PEX14: variants seen among roughly 807,000 people sequenced by gnomAD.
PEX14 encodes the protein peroxisomal biogenesis factor 14.
Under a neutral mutation model 49.5 loss-of-function variants are expected in PEX14, and 15 were observed. The ratio of observed to expected loss-of-function variants is 0.30; its 90% CI spans 0.20 to 0.47. PEX14 has a LOEUF of 0.47. Among genes scored for constraint, PEX14 ranks in the 20% least tolerant of loss-of-function variants. The pLI is 1.00. For missense variants in PEX14, 398 were observed against 494.8 expected, an observed-to-expected ratio of 0.80 and a Z score of 1.86; for synonymous variants, 210 against 212.7, an observed-to-expected ratio of 0.99 and a Z score of 0.11.
chr1:10,624,592 T>C (rs1396073130), intron 7 of PEX14, among the ~76,000 whole-genome samples, 155 bp downstream of exon 7: 1 of 152,218 alleles, frequency 6.6e-6, no homozygotes, highest in Non-Finnish European at 1.5e-5. Flanking sequence ...GCCCTTTCTC[T>C]CCTTGTAGAG....
At chr1:10,515,713 T>G (rs560746157) in intron 2 of PEX14, among the ~76,000 whole-genome samples, 2 of 152,192 alleles carry the variant, frequency 1.3e-5, no homozygotes, top group East Asian at 3.9e-4. Context: ...CAAACCAAAG[T>G]AAAAAATCCT....
chr1:10,611,920 T>C (rs564905124), intron 4 of PEX14, among the ~76,000 whole-genome samples: 11 of 152,350 alleles, frequency 7.2e-5, no homozygotes, highest in Admixed American at 3.9e-4. Context: ...GCAGATATTT[T>C]CTCCCAGCCT....
intron 3 of PEX14, among the ~76,000 whole-genome samples, chr1:10,568,648 G>A (rs888651397): frequency 3.9e-5 from 6 of 152,106 alleles, no homozygotes; most frequent in African/African-American, 1.4e-4. Flanking sequence ...AGCCCTCAGA[G>A]ATGATGAATT....
At chr1:10,560,145 C>T (rs1255463618) in intron 3 of PEX14, among the ~76,000 whole-genome samples, 2 of 151,942 alleles carry the variant, frequency 1.3e-5, no homozygotes, top group Non-Finnish European at 2.9e-5. Flanking sequence ...GCAATCTCTG[C>T]CTCCCGGGTT....
intron 3 of PEX14, among the ~76,000 whole-genome samples, chr1:10,581,688 T>C (rs1025503903): frequency 2.0e-5 from 3 of 151,154 alleles, no homozygotes; most frequent in Admixed American, 6.6e-5. Flanking sequence ...GATTTTTTAA[T>C]TGAAATTGTG....
At chr1:10,524,540 TCTC>T (rs1482983515) in intron 2 of PEX14, 1 of 329,288 alleles carries the variant, frequency 3.0e-6, no homozygotes, top group Non-Finnish European at 4.4e-6. Flanking sequence ...TCATCTGGCT[TCTC>T]CTAGATGACC....
At chr1:10,572,560 G>A (rs983339114) in intron 3 of PEX14, among the ~76,000 whole-genome samples, 1 of 151,996 alleles carries the variant, frequency 6.6e-6, no homozygotes, top group African/African-American at 2.4e-5. Context: ...ATTTTGAGAC[G>A]GAGTCTTGCT....
At chr1:10,557,719 C>T (rs1333084346) in intron 3 of PEX14, among the ~76,000 whole-genome samples, 1 of 152,220 alleles carries the variant, frequency 6.6e-6, no homozygotes, top group Admixed American at 6.5e-5. Context: ...CACCAGTTGG[C>T]CAGTGCCCCG....
chr1:10,485,509 G>C (rs773200552), intron 1 of PEX14, among the ~76,000 whole-genome samples: 1 of 150,820 alleles, frequency 6.6e-6, no homozygotes, highest in Non-Finnish European at 1.5e-5. Context: ...TGTAGCGAGG[G>C]GGTCTTGCTG....
rs1175035440 is a variant in PEX14 at position 10,491,050 on chromosome 1, T to C, written c.37-4224T>C. Among the ~76,000 whole-genome samples, 9 of 151,158 alleles carry C rather than the reference T, an allele frequency of 6.0e-5. No homozygotes were observed. In the East Asian group the frequency reaches 1.6e-3, roughly 26 times the overall value. On this transcript the variant is annotated intron_variant, in intron 1 of 8. Coordinates refer to ENST00000356607, the MANE Select transcript of PEX14 (RefSeq NM_004565.3). The stretch of plus-strand genomic sequence containing the variant: ...ACTCTGTGAAGATTTCCAGGATCAG[T>C]TGGAGATGAGGTTTTGCTATGTTGG...
chr1:10,556,307 AGCTGT>A (rs1348199907), intron 3 of PEX14, among the ~76,000 whole-genome samples: 23 of 152,264 alleles, frequency 1.5e-4, no homozygotes, highest in African/African-American at 5.5e-4. Flanking sequence ...AGAGCATGGC[AGCTGT>A]GATCAGAATT....
intron 2 of PEX14, among the ~76,000 whole-genome samples, chr1:10,503,648 A>C (rs1240769471): frequency 6.7e-6 from 1 of 149,134 alleles, no homozygotes; most frequent in African/African-American, 2.5e-5. Context: ...TAAATCTAAA[A>C]GCCCCCAGTG....
intron 2 of PEX14, among the ~76,000 whole-genome samples, chr1:10,520,148 C>CTTCTTTTTTTTTTTTT (rs1553185419): frequency 2.9e-5 from 2 of 69,190 alleles, no homozygotes; most frequent in South Asian, 4.1e-4. Flanking sequence ...CCTTCTTCTT[C>CTTCTTTTTTTTTTTTT]TTTTTTTTTT....
intron 3 of PEX14, among the ~76,000 whole-genome samples, chr1:10,564,022 T>G (rs1001429478): frequency 2.6e-5 from 4 of 152,240 alleles, no homozygotes; most frequent in African/African-American, 9.6e-5. Context: ...TTCTGGCAGC[T>G]TTTAGATTTT....
At chr1:10,475,182 A>G (rs1486684956) in intron 1 of PEX14, among the ~76,000 whole-genome samples, 180 bp downstream of exon 1, 5 of 100,324 alleles carry the variant, frequency 5.0e-5, no homozygotes, top group Non-Finnish European at 1.0e-4. Context: ...CCCCCCGGTG[A>G]CCCCTCTTTG....
intron 3 of PEX14, among the ~76,000 whole-genome samples, chr1:10,586,208 C>T (rs1314956459): frequency 2.0e-5 from 3 of 152,106 alleles, no homozygotes; most frequent in African/African-American, 4.8e-5. Context: ...AGATGATAAA[C>T]AAACAAAAAG....
intron 2 of PEX14, among the ~76,000 whole-genome samples, chr1:10,530,560 C>G (rs369840982): frequency 1.2e-4 from 18 of 152,234 alleles, no homozygotes; most frequent in African/African-American, 2.7e-4. Context: ...GCCCCTCCCC[C>G]CTACTCCCAC....
intron 3 of PEX14, among the ~76,000 whole-genome samples, chr1:10,566,596 C>G (rs1370726526): frequency 1.3e-5 from 2 of 151,942 alleles, no homozygotes; most frequent in Admixed American, 6.6e-5. Flanking sequence ...TCAAGGGATT[C>G]TCCTACCTCA....
chr1:10,559,689 T>C (rs1325672073), intron 3 of PEX14, among the ~76,000 whole-genome samples: 1 of 152,190 alleles, frequency 6.6e-6, no homozygotes, highest in Non-Finnish European at 1.5e-5. Context: ...AAATGAAACA[T>C]GGACGCTGTA....
Sources: gnomAD v4.1 joint callset for allele counts (sites outside exome capture counted in the v4.1 genomes callset) on GRCh38, gnomAD v4.1.1 for gene constraint, MANE v1.5 for transcripts, NCBI Gene and HGNC (gene_info 2026-07-23, HGNC 2026-07-21) for gene names.